Variants in PCDHGA3 observed in about 807,000 individuals in gnomAD.
PCDHGA3 encodes protocadherin gamma-A3.
Under a neutral mutation model 58.5 loss-of-function variants are expected in PCDHGA3, and 40 were observed. That is an observed-to-expected ratio of 0.68 (90% confidence interval 0.53 to 0.89). The LOEUF (loss-of-function observed/expected upper bound fraction) is 0.89, where lower values mean the gene tolerates loss of function less well. PCDHGA3 is among the 40% of genes least tolerant of loss of function. The pLI, the probability that PCDHGA3 is intolerant of heterozygous loss-of-function variation, is 0.00. For missense variants in PCDHGA3, 1,223 were observed against 1,195.9 expected (o/e 1.02, Z -0.33); for synonymous variants, 530 against 525.7 (o/e 1.01, Z -0.11).
chr5:141,501,500 C>G (rs1385290676), intron 2 of PCDHGA3, among the ~76,000 whole-genome samples: 1 of 151,934 alleles, frequency 6.6e-6, no homozygotes, highest in Non-Finnish European at 1.5e-5. Context: ...GCTGCTGGGG[C>G]TCCAAGGCCT....
At chr5:141,366,297 C>G in intron 1 of PCDHGA3, 1 of 1,613,766 alleles carries the variant, frequency 6.2e-7, no homozygotes. Flanking sequence ...CCTCTGTCAG[C>G]CACCTTCACG....
At position 141,432,782 on chromosome 5, in the gene PCDHGA3, C is replaced by G. The variant is rs547164205; in HGVS notation, c.2425-62025C>G. On this transcript the variant is annotated intron_variant, in intron 1 of 3. Transcript: ENST00000253812. The surrounding 1 kb of genome is among the most constrained non-coding windows in gnomAD (Gnocchi z 6.0). ...CAGCATCCCCCAAGTCCTGGCGGACCTCGGCAGCCTCGAGTCTCCAGCTAA... is the reference window on the plus strand; with the variant it reads ...CAGCATCCCCCAAGTCCTGGCGGACGTCGGCAGCCTCGAGTCTCCAGCTAA... 4.3e-6 allele frequency: 7 copies of G among 1,614,046 alleles called. No individual in the cohort carries two copies. The highest frequency in any genetic ancestry group is 3.3e-4 in the Middle Eastern group (2 of 6,084).
intron 1 of PCDHGA3, chr5:141,400,199 C>G (rs1561675523): frequency 2.5e-6 from 4 of 1,614,048 alleles, no homozygotes; most frequent in Admixed American, 1.7e-5. Flanking sequence ...CTAGTGGTGG[C>G]CTTGGCCTTG....
At chr5:141,384,574 C>T in intron 1 of PCDHGA3, 1 of 1,614,228 alleles carries the variant, frequency 6.2e-7, no homozygotes, top group Non-Finnish European at 8.5e-7. Flanking sequence ...GAATGACAAC[C>T]CGCCCGAGAT....
Position 141,511,606 on chromosome 5 carries a change from G to A in PCDHGA3, c.*433G>A, listed in dbSNP as rs1160129762. The stretch of plus-strand genomic sequence containing the variant: ...TGTTGAAGTACCAAGTAACCTACAA[G>A]CCTCCTAGTTCTGAAAAGTTGGAAG... On this transcript the variant is annotated 3_prime_UTR_variant, in exon 4 of 4. Transcript: ENST00000253812. 2 of 248,594 alleles carry A rather than the reference G, an allele frequency of 8.0e-6. No individual in the cohort carries two copies. Among genetic ancestry groups the A allele is most frequent in the Non-Finnish European group, 1.6e-5 (2 of 123,946 alleles). 15.4% of individuals were successfully genotyped at this position (248,594 alleles called of 1,614,324 possible). A position where few individuals can be genotyped will look rare whatever the true frequency, so the allele number is the denominator to read the frequency against.
rs1366128123 is a variant in PCDHGA3 at position 141,353,185 on chromosome 5, G to T, written c.2424+6728G>T. Among the ~76,000 whole-genome samples, 3 of 151,922 alleles carry T rather than the reference G, an allele frequency of 2.0e-5. No individual in the cohort carries two copies. The East Asian group carries it at 5.8e-4, about 29-fold the overall frequency. ...TACTGTTGGCATTTCTGTATGGTTG[G>T]CAAATCTTGCTAAAGAGACCTGTTT... is the stretch of plus-strand genomic sequence containing the variant. On this transcript the variant is annotated intron_variant, in intron 1 of 3. Transcript: ENST00000253812.
At position 141,375,636 on chromosome 5, in the gene PCDHGA3, G is replaced by C. The variant is rs1448632834; in HGVS notation, c.2424+29179G>C. On this transcript the variant is annotated intron_variant, in intron 1 of 3. Transcript: ENST00000253812. ...GACACTGGGATTCTGTACGCCCTGC[G>C]CTCCTTCGACTATGAGCAGTTGAGA... The C allele has an allele frequency of 6.2e-6, 10 of 1,614,064 alleles. No individual in the cohort carries two copies. Among genetic ancestry groups the C allele is most frequent in the Non-Finnish European group, 8.5e-6 (10 of 1,180,044 alleles).
At chr5:141,355,389 A>G (rs911908895) in intron 1 of PCDHGA3, 2 of 1,614,068 alleles carry the variant, frequency 1.2e-6, no homozygotes, top group Non-Finnish European at 1.7e-6. Context: ...CGGAGCGCGG[A>G]GTCCGCATCG....
intron 1 of PCDHGA3, chr5:141,399,003 A>C: frequency 6.2e-7 from 1 of 1,613,966 alleles, no homozygotes; most frequent in East Asian, 2.2e-5. Context: ...GTCTGAATTC[A>C]AAGAGCGGAG....
chr5:141,393,623 T>A (rs1446921809), intron 1 of PCDHGA3: 2 of 1,613,916 alleles, frequency 1.2e-6, no homozygotes, highest in African/African-American at 2.7e-5. Flanking sequence ...GCGACCCGGA[T>A]GAGGGAATCA....
At chr5:141,379,831 C>G (rs1242791393) in intron 1 of PCDHGA3, among the ~76,000 whole-genome samples, 1 of 142,262 alleles carries the variant, frequency 7.0e-6, no homozygotes, top group Non-Finnish European at 1.5e-5. Flanking sequence ...TTTGAAGCAT[C>G]AGGAAAAAAA....
chr5:141,390,486 G>GT (rs2092161053), intron 1 of PCDHGA3: 4 of 649,376 alleles, frequency 6.2e-6, no homozygotes, highest in Non-Finnish European at 7.7e-6. Flanking sequence ...ACATTTGTTT[G>GT]TTTTTTAGCC....
chr5:141,489,692 G>C lies in PCDHGA3; in HGVS notation c.2425-5115G>C, dbSNP rs768806028. The stretch of plus-strand genomic sequence containing the variant: ...TCAGAATCAGCAGCATCTGGGGCAC[G>C]ATTCCCACTGGACAGTGCCCAGGAT... On this transcript the variant is annotated intron_variant, in intron 1 of 3. Transcript: ENST00000253812. This position sits in a 1 kb window ranked among gnomAD's most constrained non-coding sequence, Gnocchi z 4.5. 6.2e-7 allele frequency: 1 copy of C among 1,614,128 alleles called. No individual in the cohort carries two copies. Among genetic ancestry groups the C allele is most frequent in the South Asian group, 1.1e-5 (1 of 91,080 alleles).
chr5:141,425,869 C>G (rs1376765137), intron 1 of PCDHGA3, among the ~76,000 whole-genome samples: 1 of 152,198 alleles, frequency 6.6e-6, no homozygotes, highest in Non-Finnish European at 1.5e-5. Flanking sequence ...TATAGATTCC[C>G]ATCTCTAAGG....
At chr5:141,352,651 C>T (rs1444773871) in intron 1 of PCDHGA3, 3 of 1,602,436 alleles carry the variant, frequency 1.9e-6, no homozygotes, top group Non-Finnish European at 2.6e-6. Flanking sequence ...TCGCTTATGA[C>T]CCTTCTTTGT....
At chr5:141,399,762 C>T (rs1415096807) in intron 1 of PCDHGA3, 4 of 1,613,352 alleles carry the variant, frequency 2.5e-6, no homozygotes, top group Non-Finnish European at 2.5e-6. Flanking sequence ...TGAGCCTGCG[C>T]GTGTTGGTGG....
chr5:141,477,678 C>A lies in PCDHGA3; in HGVS notation c.2425-17129C>A, dbSNP rs967769574. 1 of 1,614,182 alleles carries A rather than the reference C, an allele frequency of 6.2e-7. No individual in the cohort carries two copies. The highest frequency in any genetic ancestry group is 1.3e-5 in the African/African-American group (1 of 75,054). ...AATCGTGACAATGGCATAGTGTCAT[C>A]CTTAGTGCCCCTAGACTATGAGGAT... is the stretch of plus-strand genomic sequence containing the variant. On this transcript the variant is annotated intron_variant, in intron 1 of 3. Transcript: ENST00000253812. The surrounding 1 kb of genome is among the most constrained non-coding windows in gnomAD (Gnocchi z 4.9).
In PCDHGA3 at chr5:141,372,747, G is replaced by A; in HGVS notation, c.2424+26290G>A. ...ACCACAAGATCTTCTATGTGATGAA[G>A]CCTCTTGGTTTGAAAGTAATGACAA... On this transcript the variant is annotated intron_variant, in intron 1 of 3. Transcript: ENST00000253812. The A allele has an allele frequency of 2.5e-6, 4 of 1,613,418 alleles. 1 individual carries two copies. Among genetic ancestry groups the A allele is most frequent in the East Asian group, 4.5e-5 (2 of 44,880 alleles).
At chr5:141,376,186 C>T in intron 1 of PCDHGA3, 2 of 1,614,136 alleles carry the variant, frequency 1.2e-6, no homozygotes, top group Non-Finnish European at 1.7e-6. Flanking sequence ...CCGCGGTCTC[C>T]TGCGTCTTCC....
Sources: allele counts gnomAD v4.1 joint callset (sites outside exome capture counted in the v4.1 genomes callset), GRCh38; gene constraint gnomAD v4.1.1; non-coding constraint Gnocchi (gnomAD v3.1); transcripts MANE v1.5; gene names NCBI Gene and HGNC (gene_info 2026-07-23, HGNC 2026-07-21).